PALM2AKAP2: variants seen among roughly 807,000 people sequenced by gnomAD.
PALM2AKAP2 encodes the protein PALM2-AKAP2 fusion protein.
PALM2AKAP2 carries 37 observed loss-of-function variants against 71.5 expected under a neutral mutation model. The ratio of observed to expected loss-of-function variants is 0.52; its 90% confidence interval spans 0.40 to 0.68. PALM2AKAP2 has a LOEUF of 0.68. PALM2AKAP2 is among the 30% of genes least tolerant of loss of function. The pLI is 0.00. For missense variants in PALM2AKAP2, 1,224 were observed against 1,191.8 expected, an observed-to-expected ratio of 1.03 and a Z score of -0.40; for synonymous variants, 468 against 478.8, an observed-to-expected ratio of 0.98 and a Z score of 0.29.
Position 109,846,758 on chromosome 9 carries a change from C to G in PALM2AKAP2, c.46-20733C>G, listed in dbSNP as rs1027104273. 2.6e-5 allele frequency among the ~76,000 whole-genome samples: 4 copies of G among 152,328 alleles called. No homozygotes were observed. In the East Asian group the frequency reaches 7.7e-4, roughly 29 times the overall value. ...CCACTTGCTTTATCCTCCCTCACTC[C>G]CTTCCTTCCTCCAGGAATAAAGAGT... On this transcript the variant is annotated intron_variant, in intron 1 of 9. Transcript: ENST00000302798.
intron 1 of PALM2AKAP2, 35 bp from the exon 2 acceptor site, chr9:109,867,456 C>T: frequency 1.2e-6 from 2 of 1,607,696 alleles, no homozygotes; most frequent in South Asian, 1.1e-5. Flanking sequence ...CCAACACCCA[C>T]CCACTCTTAC....
At chr9:110,053,004 A>G (rs529159382) in intron 1 of PALM2AKAP2, among the ~76,000 whole-genome samples, 2 of 152,352 alleles carry the variant, frequency 1.3e-5, no homozygotes, top group South Asian at 4.1e-4. Context: ...TTTTCTTTCT[A>G]CAATAAAACA....
At chr9:110,009,539 C>G (rs1173940919) in intron 6 of PALM2AKAP2, among the ~76,000 whole-genome samples, 1 of 151,828 alleles carries the variant, frequency 6.6e-6, no homozygotes, top group African/African-American at 2.4e-5. Context: ...ATGGTGAAAC[C>G]CTGTCTCAAC....
intron 1 of PALM2AKAP2, among the ~76,000 whole-genome samples, chr9:110,050,944 G>T (rs1222301269): frequency 6.6e-6 from 1 of 152,180 alleles, no homozygotes; most frequent in Non-Finnish European, 1.5e-5. Context: ...TTTCCTTAAA[G>T]GGCATCTTCT....
At chr9:109,783,969 G>T (rs1465901193) in intron 1 of PALM2AKAP2, among the ~76,000 whole-genome samples, 1 of 152,162 alleles carries the variant, frequency 6.6e-6, no homozygotes, top group East Asian at 1.9e-4. Flanking sequence ...TCTTCCATTT[G>T]GATCCAGGAA....
intron 1 of PALM2AKAP2, among the ~76,000 whole-genome samples, chr9:109,838,201 C>G (rs1403163691): frequency 6.6e-6 from 1 of 152,176 alleles, no homozygotes; most frequent in African/African-American, 2.4e-5. Context: ...TGCAATCAAA[C>G]TAGAACTCAA....
chr9:109,642,902 A>G (rs962186568), intron 1 of PALM2AKAP2, among the ~76,000 whole-genome samples: 3 of 150,888 alleles, frequency 2.0e-5, no homozygotes, highest in South Asian at 2.1e-4. Context: ...CATGACTGCA[A>G]TCTCAGTGCT....
At chr9:110,168,735 G>C (rs897750583) in exon 4 of PALM2AKAP2, 2 of 466,698 alleles carry the variant, frequency 4.3e-6, no homozygotes, top group South Asian at 2.7e-5. Flanking sequence ...CTCAATCCCA[G>C]TGTCTGGTTT....
intron 1 of PALM2AKAP2, among the ~76,000 whole-genome samples, chr9:109,745,854 C>T (rs1359981124): frequency 6.6e-6 from 1 of 152,150 alleles, no homozygotes; most frequent in East Asian, 1.9e-4. Context: ...TAAATTCAGA[C>T]CCCAGAATAC....
intron 2 of PALM2AKAP2, among the ~76,000 whole-genome samples, chr9:110,145,161 G>C (rs1325011908): frequency 6.6e-6 from 1 of 152,076 alleles, no homozygotes; most frequent in Non-Finnish European, 1.5e-5. Context: ...TTCTTTTGCG[G>C]TGGCCTGGGT....
intron 1 of PALM2AKAP2, among the ~76,000 whole-genome samples, chr9:110,106,753 G>A (rs1370956138): frequency 6.6e-6 from 1 of 152,164 alleles, no homozygotes; most frequent in Non-Finnish European, 1.5e-5. Flanking sequence ...TGCACAAGGG[G>A]ATATGTGCAT....
At chr9:110,100,836 AG>A (rs1297034434) in intron 1 of PALM2AKAP2, among the ~76,000 whole-genome samples, 2 of 152,094 alleles carry the variant, frequency 1.3e-5, no homozygotes, top group African/African-American at 2.4e-5. Context: ...AACTTGGAAA[AG>A]GGGTGGATTC....
intron 1 of PALM2AKAP2, among the ~76,000 whole-genome samples, chr9:109,754,764 C>T (rs185529255): frequency 1.3e-5 from 2 of 152,138 alleles, no homozygotes; most frequent in Non-Finnish European, 2.9e-5. Flanking sequence ...CTTATATGGG[C>T]ACTAATCTCA....
intron 1 of PALM2AKAP2, among the ~76,000 whole-genome samples, chr9:109,842,666 A>G (rs1828730199): frequency 7.2e-6 from 1 of 138,814 alleles, no homozygotes; most frequent in South Asian, 2.3e-4. Context: ...CCCCAGTAAG[A>G]TGTGAAAAAA....
At chr9:109,757,698 C>T (rs1033863317) in intron 1 of PALM2AKAP2, among the ~76,000 whole-genome samples, 3 of 151,936 alleles carry the variant, frequency 2.0e-5, no homozygotes, top group East Asian at 1.9e-4. Flanking sequence ...ACGAGGTCTT[C>T]GACAGCTTAC....
intron 1 of PALM2AKAP2, among the ~76,000 whole-genome samples, chr9:109,837,643 G>A (rs1828518814): frequency 6.6e-6 from 1 of 152,150 alleles, no homozygotes. Flanking sequence ...CATCTCATAT[G>A]CAGAGACACA....
chr9:109,935,004 G>T (rs1831189965), intron 6 of PALM2AKAP2, among the ~76,000 whole-genome samples: 1 of 152,188 alleles, frequency 6.6e-6, no homozygotes, highest in South Asian at 2.1e-4. Context: ...AGGCACTGAG[G>T]AACCACAGCA....
At chr9:110,159,670 C>T (rs545713002) in intron 3 of PALM2AKAP2, among the ~76,000 whole-genome samples, 5 of 152,272 alleles carry the variant, frequency 3.3e-5, no homozygotes, top group Admixed American at 6.5e-5. Context: ...AATGTAGCTA[C>T]GGCTGAAGTT....
At chr9:109,914,184 C>T (rs1830635313) in intron 3 of PALM2AKAP2, among the ~76,000 whole-genome samples, 1 of 152,200 alleles carries the variant, frequency 6.6e-6, no homozygotes, top group African/African-American at 2.4e-5. Context: ...ACCTGTTCCA[C>T]TTTAACCCTA....
Sources: allele counts gnomAD v4.1 joint callset (sites outside exome capture counted in the v4.1 genomes callset), GRCh38; gene constraint gnomAD v4.1.1; transcripts MANE v1.5; gene names NCBI Gene and HGNC (gene_info 2026-07-23, HGNC 2026-07-21).